The following AKT2 variants were observed in gnomAD, a reference collection of about 807,000 sequenced individuals.
AKT2 encodes AKT serine/threonine kinase 2.
AKT2 carries 16 observed loss-of-function variants against 58.6 expected under a neutral mutation model. The ratio of observed to expected loss-of-function variants is 0.27; its 90% confidence interval spans 0.18 to 0.41. The LOEUF is 0.41. AKT2 is among the 10% of genes least tolerant of loss of function. The pLI is 1.00. For missense variants in AKT2, 438 were observed against 661.0 expected (o/e 0.66, Z 3.70); for synonymous variants, 253 against 254.0 (o/e 1.00, Z 0.04).
At position 40,231,196 on chromosome 19, in the gene AKT2, T is replaced by G. The variant is rs1261771079; in HGVS notation, c.*2676A>C. On this transcript the variant is annotated 3_prime_UTR_variant, in exon 14 of 14. Transcript: ENST00000392038. ...ACACATGCTCAACTACGGGGCCAGCTGCTGCAGCTGTGGGACCCCATCCTG... is the reference window on the plus strand; with the variant it reads ...ACACATGCTCAACTACGGGGCCAGCGGCTGCAGCTGTGGGACCCCATCCTG... The G allele has an allele frequency of 4.3e-6, 1 of 232,076 alleles. No homozygotes were observed. Among genetic ancestry groups the G allele is most frequent in the East Asian group, 6.1e-5 (1 of 16,434 alleles). 14.4% of individuals were successfully genotyped at this position (232,076 alleles called of 1,614,324 possible).
Position 40,265,287 on chromosome 19 carries a change from G to A in AKT2, c.-20C>T. ...ATTCATGGTGGCAGCGTGGTACGCT[G>A]TCACCTAGCTCGGGACAGCTCAGGG... On this transcript the variant is annotated 5_prime_UTR_variant, in exon 2 of 14. Transcript: ENST00000392038. 6.2e-7 allele frequency: 1 copy of A among 1,611,814 alleles called. No individual in the cohort carries two copies. The highest frequency in any genetic ancestry group is 8.5e-7 in the Non-Finnish European group (1 of 1,179,164).
At chr19:40,264,708 T>C (rs1345986960) in intron 2 of AKT2, among the ~76,000 whole-genome samples, 1 of 152,052 alleles carries the variant, frequency 6.6e-6, no homozygotes, top group African/African-American at 2.4e-5. Flanking sequence ...GGGCAGCCTC[T>C]TGATGCCCCC....
In AKT2 at chr19:40,234,812, C is replaced by G; in HGVS notation, c.1366+233G>C. 1 of 631,184 alleles carries G rather than the reference C, an allele frequency of 1.6e-6. No homozygotes were observed. The highest frequency in any genetic ancestry group is 1.8e-5 in the South Asian group (1 of 54,618). 39.1% of individuals were successfully genotyped at this position (631,184 alleles called of 1,614,324 possible). A position where few individuals can be genotyped will look rare whatever the true frequency, so the allele number is the denominator to read the frequency against. On this transcript the variant is annotated intron_variant, in intron 13 of 13. Coordinates refer to ENST00000392038, the MANE Select transcript of AKT2 (RefSeq NM_001626.6). The surrounding 1 kb of genome is among the most constrained non-coding windows in gnomAD (Gnocchi z 4.7). ...CCAGGCTCAGGGACCGGGCTGCCTC[C>G]TGCCCTGAGCCCCCCGACTGAGCTC... is the stretch of plus-strand genomic sequence containing the variant.
rs1026985891 is a variant in AKT2, at chr19:40,234,737, G to A, written c.1366+308C>T. On this transcript the variant is annotated intron_variant, in intron 13 of 13. Coordinates refer to ENST00000392038, the MANE Select transcript of AKT2 (RefSeq NM_001626.6). This position sits in a 1 kb window ranked among gnomAD's most constrained non-coding sequence, Gnocchi z 4.7. ...TGTGTCCCCAGCATAGCCCAGCCCT[G>A]GGCTGAGTTCAGAGTAAGAACCCAA... 5.0e-6 allele frequency: 3 copies of A among 603,822 alleles called. No homozygotes were observed. Among genetic ancestry groups the A allele is most frequent in the Non-Finnish European group, 8.8e-6 (3 of 339,814 alleles). 37.4% of individuals were successfully genotyped at this position (603,822 alleles called of 1,614,324 possible). A position where few individuals can be genotyped will look rare whatever the true frequency, so the allele number is the denominator to read the frequency against.
At chr19:40,274,728 C>A (rs938481275) in intron 1 of AKT2, 4 of 291,514 alleles carry the variant, frequency 1.4e-5, no homozygotes, top group African/African-American at 8.7e-5. Flanking sequence ...AGGGGAGGAG[C>A]AGGGCTGAGG....
At position 40,237,157 on chromosome 19, in the gene AKT2, A is replaced by G. The variant is rs1250609472; in HGVS notation, c.832-772T>C. The G allele has an allele frequency of 1.3e-5, 2 of 154,828 alleles. No homozygotes were observed. The highest frequency in any genetic ancestry group is 4.8e-5 in the African/African-American group (2 of 41,466). 9.6% of individuals were successfully genotyped at this position (154,828 alleles called of 1,614,324 possible). A position where few individuals can be genotyped will look rare whatever the true frequency, so the allele number is the denominator to read the frequency against. On this transcript the variant is annotated intron_variant, in intron 9 of 13. Transcript: ENST00000392038. This position sits in a 1 kb window ranked among gnomAD's most constrained non-coding sequence, Gnocchi z 4.5. Reference sequence around the variant, plus strand: ...ATTCCTAACTGCTGTGTGGCGTCCCACTGTGAGAACACTCCACAGTGGATC... The same window carrying G: ...ATTCCTAACTGCTGTGTGGCGTCCCGCTGTGAGAACACTCCACAGTGGATC...
intron 1 of AKT2, chr19:40,284,956 C>T (rs2077486964): frequency 5.7e-6 from 2 of 351,656 alleles, no homozygotes; most frequent in Non-Finnish European, 5.1e-6. Flanking sequence ...ACTTGCAGCG[C>T]TCCCCCCACC....
In AKT2 at chr19:40,233,979, G is replaced by A. The variant is rs768359406; in HGVS notation, c.1367-28C>T. ...GTGGGCGGCAGAGGTGGATGGGGAG[G>A]ACCAGTCAGGAGAGGGCCTGGGACA... On this transcript the variant is annotated intron_variant, in intron 13 of 13. Coordinates refer to ENST00000392038, the MANE Select transcript of AKT2 (RefSeq NM_001626.6). This position sits in a 1 kb window ranked among gnomAD's most constrained non-coding sequence, Gnocchi z 4.3. The A allele has an allele frequency of 1.5e-5, 24 of 1,604,634 alleles. No homozygotes were observed. The highest frequency in any genetic ancestry group is 2.0e-5 in the Non-Finnish European group (23 of 1,178,456).
At chr19:40,284,849 G>A (rs956795824) in intron 1 of AKT2, 3 of 214,906 alleles carry the variant, frequency 1.4e-5, no homozygotes. Flanking sequence ...CCCCTCGATA[G>A]CTTAGCCCGC....
intron 1 of AKT2, chr19:40,270,732 G>A (rs1976641834): frequency 6.6e-6 from 1 of 152,300 alleles, no homozygotes; most frequent in Middle Eastern, 3.2e-3. Context: ...ACAACAGGAA[G>A]CTGGACGTGG....
intron 4 of AKT2, among the ~76,000 whole-genome samples, chr19:40,253,025 C>T (rs1181229727): frequency 6.6e-6 from 1 of 152,164 alleles, no homozygotes; most frequent in African/African-American, 2.4e-5. Flanking sequence ...TAACAAGTCT[C>T]ATGATATTGT....
intron 6 of AKT2, 147 bp from the exon 7 acceptor site, chr19:40,240,257 C>A: frequency 1.1e-6 from 1 of 908,588 alleles, no homozygotes; most frequent in Non-Finnish European, 1.9e-6. Flanking sequence ...TGAAAGCCTG[C>A]AAACCCTCAG....
intron 1 of AKT2, chr19:40,282,645 T>C: frequency 2.4e-6 from 1 of 408,254 alleles, no homozygotes. Flanking sequence ...TCACCCAGCC[T>C]GGAACCTGGT....
intron 7 of AKT2, 86 bp downstream of exon 7, chr19:40,239,959 G>A (rs1974287202): frequency 1.3e-6 from 2 of 1,510,924 alleles, no homozygotes; most frequent in East Asian, 2.3e-5. Context: ...CCAAGACTGT[G>A]CTTTGTACCA....
In AKT2 at chr19:40,235,216, T is replaced by C; in HGVS notation, c.1263+47A>G. On this transcript the variant is annotated intron_variant, in intron 12 of 13. Transcript: ENST00000392038. This position sits in a 1 kb window ranked among gnomAD's most constrained non-coding sequence, Gnocchi z 6.3. The stretch of plus-strand genomic sequence containing the variant: ...AGGCCTCAACCAAGGTCACCACGAG[T>C]GGGCCAGGTCCCTGAGGGTCCTGCT... The C allele has an allele frequency of 2.5e-6, 4 of 1,612,788 alleles. No individual in the cohort carries two copies. Among genetic ancestry groups the C allele is most frequent in the Non-Finnish European group, 3.4e-6 (4 of 1,179,234 alleles).
At position 40,231,453 on chromosome 19, in the gene AKT2, C is replaced by T. The variant is rs899217405; in HGVS notation, c.*2419G>A. 4.3e-6 allele frequency: 1 copy of T among 233,194 alleles called. No homozygotes were observed. The highest frequency in any genetic ancestry group is 5.6e-5 in the Admixed American group (1 of 17,784). 14.4% of individuals were successfully genotyped at this position (233,194 alleles called of 1,614,324 possible). ...TTTAGAAAGACAAACTAAAAAACCC[C>T]AACCAAACGAGTCCTAGCTGTAGCT... On this transcript the variant is annotated 3_prime_UTR_variant, in exon 14 of 14. Coordinates refer to ENST00000392038, the MANE Select transcript of AKT2 (RefSeq NM_001626.6).
chr19:40,233,508 G>A lies in AKT2; in HGVS notation c.*364C>T, dbSNP rs924836888. The A allele has an allele frequency of 5.6e-5, 34 of 605,538 alleles. No homozygotes were observed. Among genetic ancestry groups the A allele is most frequent in the South Asian group, 7.2e-5 (5 of 69,578 alleles). The allele number at this position is 605,538 out of a possible 1,614,324, so 37.5% of individuals were successfully genotyped here. On this transcript the variant is annotated 3_prime_UTR_variant, in exon 14 of 14. Transcript: ENST00000392038. This position sits in a 1 kb window ranked among gnomAD's most constrained non-coding sequence, Gnocchi z 4.3. ...AGCCTTCGTCCAGATGCAGCAGCGC[G>A]GAGGCAGACACCAGCACGACACCCA...
chr19:40,267,926 G>A (rs924494832), intron 1 of AKT2, among the ~76,000 whole-genome samples: 15 of 139,028 alleles, frequency 1.1e-4, no homozygotes, highest in Admixed American at 6.1e-4. Flanking sequence ...GCAGACACCC[G>A]AGTTAACTGA....
At chr19:40,248,255 G>A (rs531245510) in intron 4 of AKT2, among the ~76,000 whole-genome samples, 3 of 152,338 alleles carry the variant, frequency 2.0e-5, no homozygotes, top group African/African-American at 7.2e-5. Context: ...ATAAAGTGCT[G>A]AGAGCGGTGC....
Sources: gnomAD v4.1 joint callset for allele counts (sites outside exome capture counted in the v4.1 genomes callset) on GRCh38, gnomAD v4.1.1 for gene constraint, Gnocchi (gnomAD v3.1) non-coding constraint, MANE v1.5 for transcripts, NCBI Gene and HGNC (gene_info 2026-07-23, HGNC 2026-07-21) for gene names.